The following BTD variants were observed in gnomAD, a reference collection of about 807,000 sequenced individuals.
BTD encodes the protein biotinidase, also known as biocytinase.
Under a neutral mutation model 17.7 loss-of-function variants are expected in BTD, and 13 were observed. The observed-to-expected ratio is 0.74, with a 90% CI of 0.48 to 1.17. The LOEUF (loss-of-function observed/expected upper bound fraction) is 1.17, where lower values mean the gene tolerates loss of function less well. Among genes scored for constraint, BTD ranks in the 50% most tolerant of loss-of-function variants. The pLI is 0.00. For missense variants in BTD, 674 were observed against 650.4 expected (o/e 1.04, Z -0.39); for synonymous variants, 240 against 245.2 (o/e 0.98, Z 0.20).
At position 15,685,656 on chromosome 3, in the gene BTD, AAAC is replaced by A. The variant is rs373403896; in HGVS notation, c.400-24402_400-24400del. ...CCCTTCTAAAATGCAAATAGTATGA[AAAC>A]AGGAAGAGAGAAACTTGGTATTCAA... On this transcript the variant is annotated intron_variant, in intron 3 of 3. Transcript: ENST00000672141. Among the ~76,000 whole-genome samples, 553 of 152,330 alleles carry A rather than the reference AAAC, an allele frequency of 3.6e-3. 6 individuals carry two copies. The highest frequency in any genetic ancestry group is 0.013 in the African/African-American group (533 of 41,568).
chr3:15,703,719 T>C lies in BTD; in HGVS notation c.400-6341T>C, dbSNP rs569886754. Among the ~76,000 whole-genome samples the C allele has an allele frequency of 3.7e-3, 563 of 152,316 alleles. 2 individuals carry two copies. The highest frequency in any genetic ancestry group is 6.8e-3 in the Non-Finnish European group (461 of 68,024). On this transcript the variant is annotated intron_variant, in intron 3 of 3. Coordinates refer to the BTD transcript ENST00000672141. ...GAGAATTGTTATTGCGAAGTTACGA[T>C]GTTGCTGAAACAAATATCTAAAATG...
upstream of BTD, chr3:15,601,486 A>T (rs765151835): frequency 6.2e-7 from 1 of 1,611,574 alleles, no homozygotes; most frequent in South Asian, 1.1e-5. Flanking sequence ...AGCTCTAAGC[A>T]CTCACGCAGC....
intron 3 of BTD, chr3:15,695,123 A>G (rs2069344253): frequency 2.3e-6 from 3 of 1,295,096 alleles, no homozygotes; most frequent in Non-Finnish European, 2.2e-6. Flanking sequence ...GCAAACAGAT[A>G]AACATAACTG....
chr3:15,700,827 A>AG (rs573742688), intron 3 of BTD, among the ~76,000 whole-genome samples: 97 of 152,290 alleles, frequency 6.4e-4, no homozygotes, highest in African/African-American at 2.2e-3. Flanking sequence ...TTATTACAGC[A>AG]GAAAAAAAAA....
intron 3 of BTD, chr3:15,667,373 T>C (rs907632814): frequency 2.0e-5 from 3 of 152,250 alleles, no homozygotes; most frequent in Non-Finnish European, 4.4e-5. Flanking sequence ...AAGGAGGTCA[T>C]TTGCTATTAC....
downstream of BTD, among the ~76,000 whole-genome samples, chr3:15,658,037 G>A (rs2065888682): frequency 1.3e-5 from 2 of 151,968 alleles, no homozygotes; most frequent in Non-Finnish European, 2.9e-5. Context: ...GCATGGTGGT[G>A]CACACCTATA....
chr3:15,608,997 G>A (rs1012591368), intron 1 of BTD, among the ~76,000 whole-genome samples: 2 of 151,946 alleles, frequency 1.3e-5, no homozygotes, highest in African/African-American at 4.8e-5. Flanking sequence ...TATTCTCCAT[G>A]TCAGCAAAAC....
At chr3:15,682,861 A>G (rs2067687306) in intron 3 of BTD, among the ~76,000 whole-genome samples, 1 of 152,236 alleles carries the variant, frequency 6.6e-6, no homozygotes, top group African/African-American at 2.4e-5. Flanking sequence ...AACACACATT[A>G]AATTCCTTCC....
At chr3:15,612,978 A>C (rs900809128) in intron 1 of BTD, among the ~76,000 whole-genome samples, 1 of 152,220 alleles carries the variant, frequency 6.6e-6, no homozygotes, top group African/African-American at 2.4e-5. Flanking sequence ...TGCTTCTTCA[A>C]GGTCAGCCGG....
intron 3 of BTD, among the ~76,000 whole-genome samples, chr3:15,698,213 T>A (rs1243561086): frequency 6.6e-6 from 1 of 152,182 alleles, no homozygotes; most frequent in African/African-American, 2.4e-5. Flanking sequence ...AAACTCTCAA[T>A]AAACTAGGTA....
chr3:15,663,933 C>A (rs1183102710), intron 3 of BTD, among the ~76,000 whole-genome samples: 1 of 152,204 alleles, frequency 6.6e-6, no homozygotes, highest in African/African-American at 2.4e-5. Flanking sequence ...CAGAGTTTCA[C>A]TCTTGTTGCC....
At chr3:15,637,622 TA>T (rs889659911) in intron 2 of BTD, among the ~76,000 whole-genome samples, 3 of 152,040 alleles carry the variant, frequency 2.0e-5, no homozygotes, top group Non-Finnish European at 4.4e-5. Context: ...GAAGTCAGTG[TA>T]AAAAAACCCC....
At chr3:15,618,172 C>T (rs141385025) in intron 1 of BTD, among the ~76,000 whole-genome samples, 1 of 152,138 alleles carries the variant, frequency 6.6e-6, no homozygotes, top group Non-Finnish European at 1.5e-5. Flanking sequence ...CTATTTTGCC[C>T]AGGCTGGTGG....
At chr3:15,716,813 A>G (rs922462916), downstream of BTD, among the ~76,000 whole-genome samples, 11 of 152,312 alleles carry the variant, frequency 7.2e-5, no homozygotes, top group African/African-American at 1.9e-4. Context: ...AACACTTCAT[A>G]TGGTCAGGCA....
exon 4 of BTD, among the ~76,000 whole-genome samples, chr3:15,712,631 A>G (rs754643653): frequency 4.6e-5 from 7 of 152,208 alleles, no homozygotes; most frequent in Non-Finnish European, 1.0e-4. Context: ...TCACCCCACC[A>G]TTGAAACATT....
chr3:15,603,119 C>T (rs2064326682), intron 1 of BTD, among the ~76,000 whole-genome samples: 1 of 152,216 alleles, frequency 6.6e-6, no homozygotes, highest in Non-Finnish European at 1.5e-5. Context: ...CCCACTGGGT[C>T]CCTCTCACCA....
Position 15,645,471 on chromosome 3 carries a change from T to G in BTD, c.1555T>G (p.Leu519Val). The G allele has an allele frequency of 6.2e-7, 1 of 1,608,264 alleles. No individual in the cohort carries two copies. The highest frequency in any genetic ancestry group is 1.1e-5 in the South Asian group (1 of 91,082). The stretch of plus-strand genomic sequence containing the variant: ...GGTGACGGCGGCTCTCTATGGGCGC[T>G]TGTATGAGAGGGACTAGGAAAAGTG... ...GLVTAALYGR[L>V]YERD Residue 519 changes from leucine (L) to valine (V), a missense_variant, in exon 4 of 4, where the codon TTG becomes GTG. Leu to Val is a conservative substitution (Grantham distance 32). Transcript: ENST00000643237.
At chr3:15,718,293 C>T (rs2073306439) in intron 4 of BTD, among the ~76,000 whole-genome samples, 1 of 152,182 alleles carries the variant, frequency 6.6e-6, no homozygotes, top group Non-Finnish European at 1.5e-5. Context: ...GTTAAGATGA[C>T]TTTCGTGAAA....
chr3:15,698,949 A>C (rs543551272), intron 3 of BTD, among the ~76,000 whole-genome samples: 7 of 152,342 alleles, frequency 4.6e-5, no homozygotes, highest in Non-Finnish European at 8.8e-5. Flanking sequence ...CCTAAGCCAA[A>C]AGAACAAAGC....
Sources: gnomAD v4.1 joint callset for allele counts (sites outside exome capture counted in the v4.1 genomes callset) on GRCh38, gnomAD v4.1.1 for gene constraint, MANE v1.5 for transcripts, NCBI Gene and HGNC (gene_info 2026-07-23, HGNC 2026-07-21) for gene names.